Variants in LOC400499 observed in about 807,000 individuals in gnomAD.
At chr16:11,399,188 C>A in the LOC400499 span, 1 of 984,642 alleles carries the variant, frequency 1.0e-6, no homozygotes, top group South Asian at 4.7e-5. Context: ...TCCCTCCGCC[C>A]CCTCCCGAGA....
the LOC400499 span, among the ~76,000 whole-genome samples, chr16:11,466,873 G>A: frequency 1.3e-5 from 2 of 152,000 alleles, no homozygotes; most frequent in East Asian, 1.9e-4. Context: ...TTTTATCAGC[G>A]CATGCTTGTC....
the LOC400499 span, chr16:11,450,614 G>A: frequency 6.5e-7 from 1 of 1,535,904 alleles, no homozygotes; most frequent in Non-Finnish European, 8.7e-7. Flanking sequence ...CTCACCCGGA[G>A]GTAGGTGGTA....
chr16:11,516,844 G>A, the LOC400499 span, among the ~76,000 whole-genome samples: 10 of 152,164 alleles, frequency 6.6e-5, no homozygotes, highest in Middle Eastern at 3.4e-3. Flanking sequence ...ATAGATTCCC[G>A]CTACGTTGCC....
At chr16:11,460,222 G>C in the LOC400499 span, among the ~76,000 whole-genome samples, 117 of 152,150 alleles carry the variant, frequency 7.7e-4, no homozygotes, top group African/African-American at 2.7e-3. Flanking sequence ...TTAGAGACAA[G>C]ATCTCACTCT....
chr16:11,428,288 G>C, the LOC400499 span, among the ~76,000 whole-genome samples: 6 of 152,010 alleles, frequency 3.9e-5, no homozygotes, highest in Admixed American at 3.9e-4. Context: ...TCTCCTGCTT[G>C]AGCTTCCTGA....
At chr16:11,381,386 C>G in the LOC400499 span, among the ~76,000 whole-genome samples, 1 of 152,080 alleles carries the variant, frequency 6.6e-6, no homozygotes, top group Non-Finnish European at 1.5e-5. Context: ...CAAGTGTGAG[C>G]CACCACACCT....
the LOC400499 span, chr16:11,493,531 G>A: frequency 2.6e-6 from 1 of 390,112 alleles, no homozygotes; most frequent in Non-Finnish European, 4.5e-6. Context: ...CCCACAGTAG[G>A]TGCTCATTAA....
At chr16:11,476,836 T>C in the LOC400499 span, 2 of 399,468 alleles carry the variant, frequency 5.0e-6, no homozygotes, top group Non-Finnish European at 8.8e-6. Context: ...CTTCTGCACC[T>C]GGATCCCGCC....
At chr16:11,485,062 C>G in the LOC400499 span, 4 of 398,878 alleles carry the variant, frequency 1.0e-5, no homozygotes, top group Non-Finnish European at 1.8e-5. Context: ...CATTTTCCAG[C>G]CGGAGCCCAA....
the LOC400499 span, chr16:11,392,885 G>A: frequency 6.4e-6 from 5 of 778,540 alleles, no homozygotes; most frequent in South Asian, 5.5e-5. Flanking sequence ...ACAGAGTCTC[G>A]CTCTGTCGCC....
At chr16:11,424,962 C>A in the LOC400499 span, among the ~76,000 whole-genome samples, 11 of 152,164 alleles carry the variant, frequency 7.2e-5, no homozygotes, top group African/African-American at 1.2e-4. Flanking sequence ...GGCTGAATGA[C>A]GTCCCAGGGA....
chr16:11,399,456 G>A, the LOC400499 span: 1 of 401,660 alleles, frequency 2.5e-6, no homozygotes, highest in Non-Finnish European at 4.4e-6. Context: ...CCCAGACGCT[G>A]CTCCCCTGAC....
chr16:11,386,718 G>A, the LOC400499 span, among the ~76,000 whole-genome samples: 1 of 152,190 alleles, frequency 6.6e-6, no homozygotes, highest in Non-Finnish European at 1.5e-5. Context: ...GTCCCACAGA[G>A]GTTAGACTTG....
the LOC400499 span, among the ~76,000 whole-genome samples, chr16:11,381,321 C>T: frequency 6.6e-6 from 1 of 152,186 alleles, no homozygotes; most frequent in Non-Finnish European, 1.5e-5. Context: ...TCACTGCAGC[C>T]TTGACCTCCT....
At chr16:11,389,264 C>G in the LOC400499 span, among the ~76,000 whole-genome samples, 1 of 152,258 alleles carries the variant, frequency 6.6e-6, no homozygotes, top group Non-Finnish European at 1.5e-5. Context: ...ACCGATGTTC[C>G]TTCTCTAGCA....
chr16:11,525,174 C>T, the LOC400499 span, among the ~76,000 whole-genome samples: 2 of 151,866 alleles, frequency 1.3e-5, no homozygotes, highest in East Asian at 1.9e-4. Flanking sequence ...GTCCCAGCTA[C>T]TCGTGGGAGG....
chr16:11,463,034 C>T, the LOC400499 span, among the ~76,000 whole-genome samples: 3 of 152,168 alleles, frequency 2.0e-5, no homozygotes, highest in Admixed American at 6.6e-5. Flanking sequence ...GGCACACTAG[C>T]CTTTCTTACA....
At chr16:11,470,365 T>C in the LOC400499 span, among the ~76,000 whole-genome samples, 8 of 152,132 alleles carry the variant, frequency 5.3e-5, no homozygotes, top group African/African-American at 1.7e-4. Flanking sequence ...ACTCTGCGAG[T>C]ACCTCGTGCT....
At chr16:11,502,247 C>T in the LOC400499 span, 10 of 398,248 alleles carry the variant, frequency 2.5e-5, no homozygotes, top group Admixed American at 8.8e-5. Context: ...TCACCTCACC[C>T]GTCCCCTGCC....
Sources: allele counts gnomAD v4.1 joint callset (sites outside exome capture counted in the v4.1 genomes callset), GRCh38; gene constraint gnomAD v4.1.1; transcripts MANE v1.5.